The following PRKN variants were observed in gnomAD, a reference collection of about 807,000 sequenced individuals.
PRKN encodes parkin RBR E3 ubiquitin protein ligase.
Under a neutral mutation model 59.5 loss-of-function variants are expected in PRKN, and 56 were observed. The observed-to-expected ratio is 0.94, with a 90% CI of 0.76 to 1.18. PRKN has a LOEUF of 1.18. PRKN is among the 50% of genes most tolerant of loss of function. The probability of loss-of-function intolerance (pLI) is 0.00; values close to 1 mark genes in which losing one functional copy is unlikely to be tolerated. For missense variants in PRKN, 657 were observed against 596.4 expected (o/e 1.10, Z -1.06); for synonymous variants, 250 against 222.1 (o/e 1.13, Z -1.12).
rs1583188392 is a variant in PRKN at position 161,525,011 on chromosome 6, A to C, written c.1083+23843T>G. ...TTCTTACATCTTTTACACATTTCAAAACATCAAATATGTTTGTTGTAGCTT... is the reference window on the plus strand; with the variant it reads ...TTCTTACATCTTTTACACATTTCAACACATCAAATATGTTTGTTGTAGCTT... On this transcript the variant is annotated intron_variant, in intron 9 of 11. Transcript: ENST00000366898. The surrounding 1 kb of genome is among the most constrained non-coding windows in gnomAD (Gnocchi z 4.7). 6.6e-6 allele frequency among the ~76,000 whole-genome samples: 1 copy of C among 152,138 alleles called. No homozygotes were observed. Among genetic ancestry groups the C allele is most frequent in the East Asian group, 1.9e-4 (1 of 5,186 alleles).
At chr6:161,635,064 G>A (rs1323002396) in intron 7 of PRKN, among the ~76,000 whole-genome samples, 1 of 152,172 alleles carries the variant, frequency 6.6e-6, no homozygotes, top group African/African-American at 2.4e-5. Flanking sequence ...CTTAGGAGCT[G>A]GCAGAATCCT....
intron 4 of PRKN, among the ~76,000 whole-genome samples, chr6:162,071,233 G>A (rs1410290033): frequency 1.3e-5 from 2 of 150,140 alleles, no homozygotes; most frequent in Admixed American, 6.6e-5. Context: ...TGAAATGGGG[G>A]CAGAGACAGC....
rs531140518 is a variant in PRKN at position 162,075,358 on chromosome 6, ATATTAT to A, written c.535-21190_535-21185del. Among the ~76,000 whole-genome samples, 965 of 151,546 alleles carry A rather than the reference ATATTAT, an allele frequency of 6.4e-3. 15 individuals carry two copies. Among genetic ancestry groups the A allele is most frequent in the African/African-American group, 0.022 (914 of 40,848 alleles). On this transcript the variant is annotated intron_variant, in intron 4 of 11. Transcript: ENST00000366898. ...CTCAGATACCATCATCATCATAGAA[ATATTAT>A]TATTTAGTTCTCAAAATTAAGCTTT... is the stretch of plus-strand genomic sequence containing the variant.
chr6:162,454,904 C>G (rs541829218), intron 1 of PRKN, among the ~76,000 whole-genome samples: 2 of 152,300 alleles, frequency 1.3e-5, no homozygotes, highest in African/African-American at 2.4e-5. Context: ...CACAGTAGAG[C>G]TTTATTTCTT....
At chr6:162,160,267 A>T (rs2128316335) in intron 4 of PRKN, among the ~76,000 whole-genome samples, 1 of 152,346 alleles carries the variant, frequency 6.6e-6, no homozygotes, top group East Asian at 1.9e-4. Context: ...TTTAACAAAT[A>T]AAATATATGG....
intron 5 of PRKN, among the ~76,000 whole-genome samples, chr6:162,040,007 T>A (rs182151595): frequency 2.6e-5 from 4 of 152,318 alleles, no homozygotes; most frequent in African/African-American, 9.6e-5. Context: ...CAGCATTTGG[T>A]GGGCACTGCT....
Position 161,497,725 on chromosome 6 carries a change from C to T in PRKN, c.1083+51129G>A, listed in dbSNP as rs142357836. ...TATCTCTTCCTTTTGACAGAATTCA[C>T]ATCAAATGCAAACAAGATGAGACCA... On this transcript the variant is annotated intron_variant, in intron 9 of 11. Transcript: ENST00000366898. The surrounding 1 kb of genome is among the most constrained non-coding windows in gnomAD (Gnocchi z 4.6). Among the ~76,000 whole-genome samples the T allele has an allele frequency of 5.1e-3, 771 of 152,252 alleles. 3 individuals are homozygous for T. The highest frequency in any genetic ancestry group is 6.3e-3 in the Non-Finnish European group (426 of 68,014).
chr6:161,785,018 C>G (rs892120171), intron 7 of PRKN, among the ~76,000 whole-genome samples: 1 of 152,096 alleles, frequency 6.6e-6, no homozygotes, highest in African/African-American at 2.4e-5. Flanking sequence ...GAAAGGTCAC[C>G]TATTGTACGA....
chr6:162,620,055 T>TCTTGA (rs55957313), intron 1 of PRKN, among the ~76,000 whole-genome samples: 125,590 of 151,446 alleles, frequency 0.83, 52,392 homozygotes, highest in East Asian at 0.95. Context: ...ACATATTATT[T>TCTTGA]CTTAACTGCT....
At chr6:162,641,930 A>G (rs1369337878) in intron 1 of PRKN, among the ~76,000 whole-genome samples, 1 of 151,980 alleles carries the variant, frequency 6.6e-6, no homozygotes, top group Non-Finnish European at 1.5e-5. Context: ...GGCAAATACA[A>G]TTTGTTTCCT....
intron 2 of PRKN, among the ~76,000 whole-genome samples, chr6:162,419,189 T>A (rs1186886015): frequency 1.3e-5 from 2 of 152,142 alleles, no homozygotes; most frequent in African/African-American, 4.8e-5. Flanking sequence ...CTGTGACTTC[T>A]AGTACCTGTA....
At chr6:161,563,291 A>C (rs749411050) in intron 8 of PRKN, among the ~76,000 whole-genome samples, 2 of 152,226 alleles carry the variant, frequency 1.3e-5, no homozygotes, top group Non-Finnish European at 2.9e-5. Context: ...ATAGTACAAG[A>C]AAGTATTCAA....
intron 1 of PRKN, among the ~76,000 whole-genome samples, chr6:162,724,101 C>G (rs981868086): frequency 6.6e-6 from 1 of 152,220 alleles, no homozygotes; most frequent in African/African-American, 2.4e-5. Context: ...GAACATACCA[C>G]AAATATCCCC....
intron 4 of PRKN, among the ~76,000 whole-genome samples, chr6:162,122,130 T>C (rs1259917304): frequency 6.6e-6 from 1 of 152,106 alleles, no homozygotes. Flanking sequence ...CTGTCAGTAA[T>C]CGGGCCAACA....
At chr6:161,434,370 G>C (rs76908634) in intron 9 of PRKN, among the ~76,000 whole-genome samples, 2 of 152,098 alleles carry the variant, frequency 1.3e-5, no homozygotes, top group Non-Finnish European at 1.5e-5. Context: ...TAACGTCTAC[G>C]GTGCAGGGTG....
chr6:162,236,992 T>C (rs1258235920), intron 3 of PRKN, among the ~76,000 whole-genome samples: 4 of 152,138 alleles, frequency 2.6e-5, no homozygotes, highest in African/African-American at 9.7e-5. Flanking sequence ...GCAGATCTTA[T>C]GGTCAGAGCA....
chr6:162,378,040 C>T (rs575421528), intron 2 of PRKN, among the ~76,000 whole-genome samples: 1 of 152,282 alleles, frequency 6.6e-6, no homozygotes, highest in South Asian at 2.1e-4. Flanking sequence ...TTCCCTTTCT[C>T]GTCGGGATTC....
chr6:162,255,632 A>C (rs192696221), intron 3 of PRKN, among the ~76,000 whole-genome samples: 1 of 152,266 alleles, frequency 6.6e-6, no homozygotes, highest in African/African-American at 2.4e-5. Context: ...TCCGAGTCCT[A>C]GAGGTAGCAA....
chr6:162,000,053 C>T (rs1781992681), intron 5 of PRKN, among the ~76,000 whole-genome samples: 2 of 152,112 alleles, frequency 1.3e-5, no homozygotes, highest in Non-Finnish European at 2.9e-5. Flanking sequence ...TACTGAAGGA[C>T]ATCTTGGCTG....
Sources: gnomAD v4.1 joint callset for allele counts (sites outside exome capture counted in the v4.1 genomes callset) on GRCh38, gnomAD v4.1.1 for gene constraint, Gnocchi (gnomAD v3.1) non-coding constraint, MANE v1.5 for transcripts, NCBI Gene and HGNC (gene_info 2026-07-23, HGNC 2026-07-21) for gene names.